Variants in KDM5A observed in about 807,000 individuals in gnomAD.
KDM5A encodes the protein lysine-specific demethylase 5A.
In KDM5A, 42 loss-of-function variants were observed where a neutral mutation model predicts 193.5. The observed-to-expected ratio is 0.22, with a 90% CI of 0.17 to 0.28. The LOEUF is 0.28. Among genes scored for constraint, KDM5A ranks in the 10% least tolerant of loss-of-function variants. KDM5A has a pLI of 1.00. For synonymous variants in KDM5A, 796 were observed against 718.1 expected, an observed-to-expected ratio of 1.11 and a Z score of -1.73; for missense variants, 1,692 against 2,055.1, an observed-to-expected ratio of 0.82 and a Z score of 3.42.
rs1943725764 is a variant in KDM5A, at chr12:322,206, A to G, written c.2426+211T>C. 7 of 581,586 alleles carry G rather than the reference A, an allele frequency of 1.2e-5. No individual in the cohort carries two copies. The South Asian group carries it at 1.2e-4, about 10-fold the overall frequency. The allele number at this position is 581,586 out of a possible 1,614,324, so 36.0% of individuals were successfully genotyped here. A position where few individuals can be genotyped will look rare whatever the true frequency, so the allele number is the denominator to read the frequency against. On this transcript the variant is annotated intron_variant, in intron 17 of 27. Transcript: ENST00000399788. Reference sequence around the variant, plus strand: ...CTAAGCAAAAATGTGCCTGCTATGTATGAAGAACAGCAAGAGAAAGAACAC... The same window carrying G: ...CTAAGCAAAAATGTGCCTGCTATGTGTGAAGAACAGCAAGAGAAAGAACAC...
chr12:378,220 G>A (rs948389618), intron 3 of KDM5A, among the ~76,000 whole-genome samples: 1 of 152,048 alleles, frequency 6.6e-6, no homozygotes, highest in African/African-American at 2.4e-5. Flanking sequence ...TTAGTTCTGA[G>A]GAGTAGGAAT....
intron 3 of KDM5A, among the ~76,000 whole-genome samples, chr12:367,156 C>T (rs1440414419): frequency 6.6e-6 from 1 of 152,178 alleles, no homozygotes; most frequent in Non-Finnish European, 1.5e-5. Context: ...ATTGTACAGG[C>T]AGTTTTCAAT....
chr12:311,039 T>C lies in KDM5A; in HGVS notation c.3062A>G (p.Glu1021Gly). The C allele has an allele frequency of 5.0e-6, 8 of 1,614,174 alleles. No homozygotes were observed. The highest frequency in any genetic ancestry group is 6.8e-6 in the Non-Finnish European group (8 of 1,180,024). ...IQSGSNYAYL[E>G]QLESLSAKGR... ...TTTCGCAGACAAGCTCTCAAGCTGC[T>C]CCAAATAAGCGTAATTGCTGCCACT... is the stretch of plus-strand genomic sequence containing the variant. The change falls in exon 21 of 28, where the codon GAG becomes GGG. Residue 1021 changes from glutamate to glycine, a missense_variant. This residue lies in a region of KDM5A where 965 missense variants were observed against 1,061.0 expected (regional missense o/e 0.91). Transcript: ENST00000399788.
chr12:309,809 G>C lies in KDM5A; in HGVS notation c.3372C>G (p.Ala1124=). The change falls in exon 22 of 28, where the codon GCC becomes GCG. Residue 1124 remains alanine, a synonymous_variant. Coordinates refer to ENST00000399788, the MANE Select transcript of KDM5A (RefSeq NM_001042603.3). ...ATGCTAGGTAATTTCTTACCACCAT[G>C]GCTGTATCTCTGGTTTCCTCCAATC... is the stretch of plus-strand genomic sequence containing the variant. ...EEGLEETRDT[A]MVVAVFKERE... 6.2e-7 allele frequency: 1 copy of C among 1,614,082 alleles called. No homozygotes were observed. Among genetic ancestry groups the C allele is most frequent in the Non-Finnish European group, 8.5e-7 (1 of 1,179,986 alleles).
chr12:337,039 C>A (rs1297723355), intron 10 of KDM5A, among the ~76,000 whole-genome samples: 1 of 152,064 alleles, frequency 6.6e-6, no homozygotes, highest in African/African-American at 2.4e-5. Flanking sequence ...TGGAAGGTGA[C>A]CGGATCATGT....
intron 24 of KDM5A, 80 bp downstream of exon 24, chr12:306,866 T>G: frequency 7.3e-7 from 1 of 1,368,954 alleles, no homozygotes; most frequent in Non-Finnish European, 1.0e-6. Context: ...GCCTCAAACA[T>G]CACTGTTCAA....
chr12:351,317 T>C (rs1350047282), intron 9 of KDM5A, among the ~76,000 whole-genome samples: 1 of 152,110 alleles, frequency 6.6e-6, no homozygotes, highest in East Asian at 1.9e-4. Context: ...GTGTTTAGTT[T>C]TCTGCTCCTG....
At chr12:354,562 T>C (rs537867243) in intron 7 of KDM5A, among the ~76,000 whole-genome samples, 10 of 152,198 alleles carry the variant, frequency 6.6e-5, no homozygotes, top group African/African-American at 2.4e-4. Context: ...GGTCAGGAGA[T>C]TGAGACCATC....
chr12:322,479 T>C lies in KDM5A; in HGVS notation c.2364A>G (p.Val788=), dbSNP rs369603146. ...NDLFRKLRDA[V]KEAETCASVA... ...CAGAAGCACAGGTCTCAGCTTCTTT[T>C]ACAGCATCCCTGAGTTTTCGAAAGA... Residue 788 remains valine (V), a synonymous_variant, in exon 17 of 28, where the codon GTA becomes GTG. Transcript: ENST00000399788. The C allele has an allele frequency of 1.2e-6, 2 of 1,613,710 alleles. No individual in the cohort carries two copies. Among genetic ancestry groups the C allele is most frequent in the Non-Finnish European group, 1.7e-6 (2 of 1,179,956 alleles).
rs1944312400 is a variant in KDM5A at position 363,076 on chromosome 12, C to A, written c.559G>T (p.Asp187Tyr). 6.2e-7 allele frequency: 1 copy of A among 1,613,894 alleles called. No homozygotes were observed. The highest frequency in any genetic ancestry group is 1.3e-5 in the African/African-American group (1 of 74,898). ...TCAGGCTCCACTTTTTCTTTAAGAT[C>A]TAAATTAGGCATCTGCACACCCTAA... Reference protein sequence around the residue: ...SLMGVQMPNLDLKEKVEPEVL... With the variant: ...SLMGVQMPNLYLKEKVEPEVL... The change falls in exon 5 of 28, where the codon GAT becomes TAT. Residue 187 changes from aspartate (D) to tyrosine (Y), a missense_variant. Asp to Tyr is a radical substitution (Grantham distance 160). This residue lies in a region of KDM5A where 120 missense variants were observed against 172.0 expected (regional missense o/e 0.70). Coordinates refer to ENST00000399788, the MANE Select transcript of KDM5A (RefSeq NM_001042603.3).
intron 24 of KDM5A, among the ~76,000 whole-genome samples, chr12:303,562 G>C (rs1943470912): frequency 6.6e-6 from 1 of 152,010 alleles, no homozygotes; most frequent in African/African-American, 2.4e-5. Flanking sequence ...ACCTAATGTG[G>C]TTGATGGGTG....
intron 5 of KDM5A, among the ~76,000 whole-genome samples, chr12:357,827 CAAAAAAAAAAAA>C (rs61577928): frequency 2.7e-4 from 8 of 29,866 alleles, no homozygotes; most frequent in East Asian, 2.7e-3. Context: ...GACTCAGTCT[CAAAAAAAAAAAA>C]AAAAAAAAAA....
intron 3 of KDM5A, among the ~76,000 whole-genome samples, chr12:382,317 G>A (rs1486816303): frequency 6.6e-6 from 1 of 152,016 alleles, no homozygotes; most frequent in Non-Finnish European, 1.5e-5. Flanking sequence ...TGTAATCCCA[G>A]GTATTTGGGA....
At chr12:343,917 G>A (rs951857047) in intron 10 of KDM5A, among the ~76,000 whole-genome samples, 2 of 152,188 alleles carry the variant, frequency 1.3e-5, no homozygotes, top group African/African-American at 4.8e-5. Context: ...GAGAATGACT[G>A]ATGAGTTGAC....
At chr12:359,363 C>T (rs943806255) in intron 5 of KDM5A, among the ~76,000 whole-genome samples, 1 of 152,168 alleles carries the variant, frequency 6.6e-6, no homozygotes, top group Non-Finnish European at 1.5e-5. Context: ...CTAGGAAAAA[C>T]TTCAGACATA....
chr12:374,641 G>A (rs184600268), intron 3 of KDM5A, among the ~76,000 whole-genome samples: 273 of 152,206 alleles, frequency 1.8e-3, no homozygotes, highest in African/African-American at 5.9e-3. Context: ...TATTTTGCTC[G>A]TTAGTTGATG....
intron 26 of KDM5A, 30 bp downstream of exon 26, chr12:295,543 C>T: frequency 6.3e-7 from 1 of 1,592,376 alleles, no homozygotes; most frequent in East Asian, 2.2e-5. Flanking sequence ...TAGTTTTTAA[C>T]CACTGTTTAA....
At position 328,772 on chromosome 12, in the gene KDM5A, T is replaced by G. The variant is rs1219595258; in HGVS notation, c.1968+63A>C. ...GGATAAGGGATGAAAATTCTACCTATAGGTTTATTTAGCATATCCCATAAG... is the reference window on the plus strand; with the variant it reads ...GGATAAGGGATGAAAATTCTACCTAGAGGTTTATTTAGCATATCCCATAAG... On this transcript the variant is annotated intron_variant, in intron 14 of 27. Coordinates refer to ENST00000399788, the MANE Select transcript of KDM5A (RefSeq NM_001042603.3). 14 of 1,458,294 alleles carry G rather than the reference T, an allele frequency of 9.6e-6. No homozygotes were observed. In the African/African-American group the frequency reaches 1.9e-4, roughly 20 times the overall value. 90.3% of individuals were successfully genotyped at this position (1,458,294 alleles called of 1,614,324 possible). A position where few individuals can be genotyped will look rare whatever the true frequency, so the allele number is the denominator to read the frequency against.
chr12:334,041 A>G (rs1284314547), intron 11 of KDM5A, among the ~76,000 whole-genome samples, 200 bp downstream of exon 11: 1 of 152,226 alleles, frequency 6.6e-6, no homozygotes, highest in East Asian at 1.9e-4. Flanking sequence ...AATGATCAAA[A>G]TAAGTCAGTG....
Sources: allele counts gnomAD v4.1 joint callset (sites outside exome capture counted in the v4.1 genomes callset), GRCh38; gene constraint gnomAD v4.1.1; regional missense constraint gnomAD v4.1.1; transcripts MANE v1.5; gene names NCBI Gene and HGNC (gene_info 2026-07-23, HGNC 2026-07-21).